KCNH7: variants seen among roughly 807,000 people sequenced by gnomAD.
KCNH7 encodes the protein voltage-gated inwardly rectifying potassium channel KCNH7.
A neutral mutation model predicts 120.8 loss-of-function variants in KCNH7; 49 were observed. The observed-to-expected ratio is 0.41, with a 90% confidence interval of 0.32 to 0.51. KCNH7 has a LOEUF of 0.51. Among genes scored for constraint, KCNH7 ranks in the 20% least tolerant of loss-of-function variants. The pLI is 0.38. For synonymous variants in KCNH7, 547 were observed against 516.1 expected (o/e 1.06, Z -0.81); for missense variants, 1,097 against 1,446.6 (o/e 0.76, Z 3.92).
chr2:162,447,741 G>T (rs182588619), intron 6 of KCNH7, among the ~76,000 whole-genome samples: 103 of 152,054 alleles, frequency 6.8e-4, no homozygotes, highest in Middle Eastern at 3.4e-3. Flanking sequence ...ATTATGTCAC[G>T]TGTACTTGAA....
chr2:162,731,554 T>C (rs1253161421), intron 2 of KCNH7, among the ~76,000 whole-genome samples: 3 of 151,878 alleles, frequency 2.0e-5, no homozygotes, highest in Non-Finnish European at 4.4e-5. Flanking sequence ...ATCAAGAAGT[T>C]CACAGTGCAG....
chr2:162,746,539 A>G (rs1448577654), intron 2 of KCNH7, among the ~76,000 whole-genome samples: 1 of 152,092 alleles, frequency 6.6e-6, no homozygotes, highest in Non-Finnish European at 1.5e-5. Flanking sequence ...CAGACTTTAC[A>G]CTTTTTTTTC....
intron 3 of KCNH7, among the ~76,000 whole-genome samples, chr2:162,522,443 T>C (rs866337846): frequency 9.2e-5 from 14 of 151,862 alleles, no homozygotes; most frequent in Non-Finnish European, 1.8e-4. Flanking sequence ...TAGGACCATG[T>C]TATATTGCAT....
At chr2:162,380,817 G>T (rs907321254) in intron 13 of KCNH7, among the ~76,000 whole-genome samples, 1 of 152,194 alleles carries the variant, frequency 6.6e-6, no homozygotes, top group Admixed American at 6.5e-5. Flanking sequence ...TAAAGACAAA[G>T]GAGACCATAG....
At chr2:162,396,310 A>G (rs1445730102) in intron 11 of KCNH7, among the ~76,000 whole-genome samples, 1 of 151,806 alleles carries the variant, frequency 6.6e-6, no homozygotes, top group African/African-American at 2.4e-5. Flanking sequence ...AATGAGGTTA[A>G]TTTTTTCATT....
intron 2 of KCNH7, among the ~76,000 whole-genome samples, chr2:162,568,526 A>C (rs1452551611): frequency 6.6e-6 from 1 of 152,004 alleles, no homozygotes; most frequent in African/African-American, 2.4e-5. Context: ...TTTTATTTCC[A>C]GTTGATTAAA....
intron 6 of KCNH7, among the ~76,000 whole-genome samples, chr2:162,487,881 T>C (rs1002096745): frequency 7.9e-5 from 12 of 152,260 alleles, no homozygotes; most frequent in African/African-American, 2.9e-4. Flanking sequence ...TTAGGCTGCT[T>C]GGATGTGTGA....
intron 9 of KCNH7, among the ~76,000 whole-genome samples, chr2:162,411,874 T>G (rs1050322085): frequency 4.6e-5 from 7 of 151,888 alleles, no homozygotes; most frequent in African/African-American, 1.7e-4. Flanking sequence ...AGAAAATGAA[T>G]TTATCTCTTC....
chr2:162,628,409 T>C (rs1683633622), intron 2 of KCNH7, among the ~76,000 whole-genome samples: 1 of 152,102 alleles, frequency 6.6e-6, no homozygotes, highest in South Asian at 2.1e-4. Context: ...CTATGTGGGG[T>C]GAGGAATGCT....
chr2:162,478,388 A>G (rs1215779228), intron 6 of KCNH7, among the ~76,000 whole-genome samples: 1 of 152,168 alleles, frequency 6.6e-6, no homozygotes, highest in Non-Finnish European at 1.5e-5. Context: ...AGGGGGCACC[A>G]TGTATTACCT....
At chr2:162,577,334 T>C (rs1693711694) in intron 2 of KCNH7, among the ~76,000 whole-genome samples, 7 of 141,840 alleles carry the variant, frequency 4.9e-5, no homozygotes, top group Admixed American at 2.1e-4. Context: ...TCTATCTGTC[T>C]ATCATCTATC....
chr2:162,419,434 C>T (rs1344330469), intron 9 of KCNH7, among the ~76,000 whole-genome samples: 4 of 152,006 alleles, frequency 2.6e-5, no homozygotes, highest in African/African-American at 9.7e-5. Flanking sequence ...GCACATTTAG[C>T]ATATTTGAGT....
chr2:162,731,682 G>C (rs1458353494), intron 2 of KCNH7, among the ~76,000 whole-genome samples: 1 of 151,818 alleles, frequency 6.6e-6, no homozygotes, highest in Non-Finnish European at 1.5e-5. Context: ...ATTTATGAAA[G>C]CACATAAATA....
chr2:162,488,011 T>A (rs193165202), intron 6 of KCNH7, among the ~76,000 whole-genome samples: 11 of 152,336 alleles, frequency 7.2e-5, no homozygotes, highest in African/African-American at 2.4e-4. Context: ...CACCTTGAAC[T>A]ATGTGTTTGT....
At chr2:162,394,621 A>C in intron 11 of KCNH7, 136 bp from the exon 12 acceptor site, 1 of 601,940 alleles carries the variant, frequency 1.7e-6, no homozygotes, top group South Asian at 2.1e-5. Flanking sequence ...GCAAACAGCT[A>C]AAATACCTTG....
intron 2 of KCNH7, among the ~76,000 whole-genome samples, chr2:162,567,503 C>T (rs1693297230): frequency 6.6e-6 from 1 of 151,814 alleles, no homozygotes. Context: ...TTGCATTTTT[C>T]CCCCCACAGT....
At chr2:162,809,024 C>G (rs1190386398) in intron 2 of KCNH7, among the ~76,000 whole-genome samples, 1 of 152,050 alleles carries the variant, frequency 6.6e-6, no homozygotes, top group Admixed American at 6.5e-5. Flanking sequence ...ACTTTTCTAA[C>G]CTATTAAAAA....
chr2:162,723,021 T>C (rs1362242045), intron 2 of KCNH7, among the ~76,000 whole-genome samples: 1 of 151,828 alleles, frequency 6.6e-6, no homozygotes, highest in Non-Finnish European at 1.5e-5. Flanking sequence ...ATGCTGACCT[T>C]GGTATCCTGT....
At chr2:162,634,936 A>G (rs138544949) in intron 2 of KCNH7, among the ~76,000 whole-genome samples, 1 of 152,220 alleles carries the variant, frequency 6.6e-6, no homozygotes, top group East Asian at 1.9e-4. Flanking sequence ...ATTCTTTTGT[A>G]AAATATAGCA....
Sources: gnomAD v4.1 joint callset for allele counts (sites outside exome capture counted in the v4.1 genomes callset) on GRCh38, gnomAD v4.1.1 for gene constraint, MANE v1.5 for transcripts, NCBI Gene and HGNC (gene_info 2026-07-23, HGNC 2026-07-21) for gene names.